L3MBTL4: variants seen among roughly 807,000 people sequenced by gnomAD.
L3MBTL4 encodes L3MBTL histone methyl-lysine binding protein 4, also known as lethal(3)malignant brain tumor-like protein 4.
L3MBTL4 carries 70 observed loss-of-function variants against 84.5 expected under a neutral mutation model. The ratio of observed to expected loss-of-function variants is 0.83; its 90% CI spans 0.68 to 1.01. The LOEUF is 1.01. L3MBTL4 is among the 50% of genes least tolerant of loss of function. The pLI is 0.00. For missense variants in L3MBTL4, 715 were observed against 754.8 expected (o/e 0.95, Z 0.62); for synonymous variants, 274 against 259.8 (o/e 1.05, Z -0.52).
chr18:6,280,416 A>G (rs975829368), intron 4 of L3MBTL4, among the ~76,000 whole-genome samples: 4 of 152,214 alleles, frequency 2.6e-5, no homozygotes, highest in African/African-American at 9.6e-5. Flanking sequence ...CAATGTAACC[A>G]GAAAGTGCAA....
At chr18:6,204,596 T>C (rs576394170) in intron 12 of L3MBTL4, among the ~76,000 whole-genome samples, 23 of 152,258 alleles carry the variant, frequency 1.5e-4, no homozygotes, top group Non-Finnish European at 3.2e-4. Flanking sequence ...CTTTTGTCTC[T>C]ACATGATAGT....
In L3MBTL4 at chr18:6,163,790, G is replaced by A. The variant is rs142405559; in HGVS notation, c.1096+8038C>T. On this transcript the variant is annotated intron_variant, in intron 13 of 18. Transcript: ENST00000317931. ...ACAGGAAATTTCTGCATTTCCAACT[G>A]AGGTACCGGGTTCATCACACTGGGG... Among the ~76,000 whole-genome samples the A allele has an allele frequency of 2.1e-4, 32 of 152,300 alleles. 1 individual carries two copies. Among genetic ancestry groups the A allele is most frequent in the African/African-American group, 7.5e-4 (31 of 41,568 alleles).
chr18:6,311,615 G>A lies in L3MBTL4; in HGVS notation c.11C>T (p.Pro4Leu). The A allele has an allele frequency of 6.2e-7, 1 of 1,613,568 alleles. No individual in the cohort carries two copies. The highest frequency in any genetic ancestry group is 1.3e-5 in the African/African-American group (1 of 74,970). ...CATATTAAGCTTCCTTTTCCTGTTG[G>A]GCTGTTTCATTGCCACCCCCGCACT... MKQPNRKRKLNMDS... is the reference protein window; with the variant it reads MKQLNRKRKLNMDS... Residue 4 changes from proline to leucine, a missense_variant, in exon 3 of 19, where the codon CCC (proline) becomes CTC (leucine). Physicochemically the swap from Pro to Leu is moderately conservative, Grantham distance 98. Transcript: ENST00000317931.
intron 13 of L3MBTL4, among the ~76,000 whole-genome samples, chr18:6,165,154 A>G (rs926553148): frequency 1.3e-5 from 2 of 152,226 alleles, no homozygotes; most frequent in Non-Finnish European, 2.9e-5. Context: ...AGAAATGAAC[A>G]AAGCCTCCAA....
chr18:6,160,618 C>A (rs2043291838), intron 13 of L3MBTL4, among the ~76,000 whole-genome samples: 1 of 151,734 alleles, frequency 6.6e-6, no homozygotes, highest in Non-Finnish European at 1.5e-5. Flanking sequence ...GTAATCCCAG[C>A]TACCCAAGAG....
At chr18:6,185,960 C>CTAT (rs976327212) in intron 12 of L3MBTL4, among the ~76,000 whole-genome samples, 66 of 145,860 alleles carry the variant, frequency 4.5e-4, no homozygotes, top group African/African-American at 1.8e-3. Flanking sequence ...AGGGCACTTT[C>CTAT]TTTATTTTAT....
At chr18:6,003,138 T>A (rs1218314752) in intron 16 of L3MBTL4, among the ~76,000 whole-genome samples, 3 of 91,392 alleles carry the variant, frequency 3.3e-5, no homozygotes, top group African/African-American at 1.6e-4. Context: ...GTATCTCTAT[T>A]TATAGAGATA....
chr18:6,357,470 T>C (rs569508607), intron 1 of L3MBTL4, among the ~76,000 whole-genome samples: 2 of 152,290 alleles, frequency 1.3e-5, no homozygotes, highest in South Asian at 4.1e-4. Flanking sequence ...GCCACCCCCA[T>C]CATCCCCTAC....
chr18:5,979,437 G>A (rs983212731), intron 16 of L3MBTL4, among the ~76,000 whole-genome samples: 2 of 152,184 alleles, frequency 1.3e-5, no homozygotes, highest in Non-Finnish European at 2.9e-5. Flanking sequence ...AGAGGCCAGG[G>A]AACAAGCCTG....
intron 13 of L3MBTL4, among the ~76,000 whole-genome samples, 173 bp from the exon 14 acceptor site, chr18:6,138,469 A>G (rs920388704): frequency 6.6e-6 from 1 of 152,246 alleles, no homozygotes; most frequent in Non-Finnish European, 1.5e-5. Context: ...TTAGCAGAAA[A>G]TACCAGTGCT....
intron 14 of L3MBTL4, among the ~76,000 whole-genome samples, chr18:6,107,312 T>G (rs2059043097): frequency 6.6e-6 from 1 of 152,148 alleles, no homozygotes; most frequent in African/African-American, 2.4e-5. Flanking sequence ...GGACCCTTCC[T>G]TGTGATGGGG....
At chr18:6,003,871 T>C (rs545491073) in intron 16 of L3MBTL4, among the ~76,000 whole-genome samples, 3 of 152,126 alleles carry the variant, frequency 2.0e-5, no homozygotes, top group South Asian at 4.2e-4. Flanking sequence ...TGATGAAGCA[T>C]AAACAATGAT....
chr18:6,208,775 A>G (rs2045976799), intron 12 of L3MBTL4, among the ~76,000 whole-genome samples: 1 of 152,240 alleles, frequency 6.6e-6, no homozygotes, highest in African/African-American at 2.4e-5. Flanking sequence ...CTGGCTATAA[A>G]TTGAACAAGA....
chr18:6,089,272 C>T (rs994609264), intron 15 of L3MBTL4, among the ~76,000 whole-genome samples: 1 of 151,988 alleles, frequency 6.6e-6, no homozygotes, highest in Non-Finnish European at 1.5e-5. Flanking sequence ...CTTTAGTATA[C>T]TATAATAAAA....
chr18:6,333,776 T>C (rs947518400), intron 1 of L3MBTL4, among the ~76,000 whole-genome samples: 1 of 152,194 alleles, frequency 6.6e-6, no homozygotes, highest in South Asian at 2.1e-4. Context: ...AAGGTCTCTG[T>C]GTCTCTTTAT....
At chr18:6,329,687 G>A (rs946654778) in intron 1 of L3MBTL4, among the ~76,000 whole-genome samples, 1 of 152,166 alleles carries the variant, frequency 6.6e-6, no homozygotes, top group African/African-American at 2.4e-5. Context: ...GACATGGTGA[G>A]GGGGCTGAGC....
chr18:6,217,731 T>C (rs951464962), intron 10 of L3MBTL4, among the ~76,000 whole-genome samples: 1 of 152,234 alleles, frequency 6.6e-6, no homozygotes, highest in African/African-American at 2.4e-5. Context: ...TGAGTTGTGC[T>C]TTCTATTTAT....
chr18:6,051,317 T>A (rs2056830568), intron 16 of L3MBTL4, among the ~76,000 whole-genome samples: 1 of 152,112 alleles, frequency 6.6e-6, no homozygotes, highest in Non-Finnish European at 1.5e-5. Context: ...GGTGGATGGA[T>A]CACCCGAGGT....
At chr18:6,299,831 G>A (rs571907142) in intron 4 of L3MBTL4, among the ~76,000 whole-genome samples, 2 of 151,986 alleles carry the variant, frequency 1.3e-5, no homozygotes, top group African/African-American at 2.4e-5. Flanking sequence ...CACCAGACCC[G>A]GCTATTTTTT....
Sources: gnomAD v4.1 joint callset for allele counts (sites outside exome capture counted in the v4.1 genomes callset) on GRCh38, gnomAD v4.1.1 for gene constraint, MANE v1.5 for transcripts, NCBI Gene and HGNC (gene_info 2026-07-23, HGNC 2026-07-21) for gene names.